TOMM40L: variants seen among roughly 807,000 people sequenced by gnomAD.
TOMM40L encodes the protein mitochondrial import receptor subunit TOM40B.
A neutral mutation model predicts 38.3 loss-of-function variants in TOMM40L; 17 were observed. The observed-to-expected ratio is 0.44, with a 90% CI of 0.30 to 0.67. The LOEUF (loss-of-function observed/expected upper bound fraction) is 0.67, where lower values mean the gene tolerates loss of function less well. TOMM40L is among the 30% of genes least tolerant of loss of function. TOMM40L has a pLI of 0.08. For missense variants in TOMM40L, 294 were observed against 390.0 expected, an observed-to-expected ratio of 0.75 and a Z score of 2.07; for synonymous variants, 151 against 150.2, an observed-to-expected ratio of 1.01 and a Z score of -0.04.
At position 161,230,222 on chromosome 1, in the gene TOMM40L, G is replaced by A. The variant is rs907450066; in HGVS notation, c.*1127G>A. 3 of 412,240 alleles carry A rather than the reference G, an allele frequency of 7.3e-6. No individual in the cohort carries two copies. Among genetic ancestry groups the A allele is most frequent in the African/African-American group, 2.0e-5 (1 of 49,236 alleles). 25.5% of individuals were successfully genotyped at this position (412,240 alleles called of 1,614,324 possible). A position where few individuals can be genotyped will look rare whatever the true frequency, so the allele number is the denominator to read the frequency against. On this transcript the variant is annotated 3_prime_UTR_variant, in exon 10 of 10. Coordinates refer to ENST00000367988, the MANE Select transcript of TOMM40L (RefSeq NM_032174.6). The stretch of plus-strand genomic sequence containing the variant: ...GAACTCCAACCATGTGGAATCTGAG[G>A]GCCTGGCCTTCTAGAGCAGGTTCTA...
chr1:161,226,721 C>T, intron 2 of TOMM40L, 117 bp downstream of exon 2: 4 of 1,294,286 alleles, frequency 3.1e-6, no homozygotes, highest in Non-Finnish European at 4.3e-6. Context: ...GGTCATGCAG[C>T]CTCAGGGAGG....
In TOMM40L at chr1:161,229,178, C is replaced by A. The variant is rs1666605315; in HGVS notation, c.*83C>A. 1 of 1,593,958 alleles carries A rather than the reference C, an allele frequency of 6.3e-7. No homozygotes were observed. Among genetic ancestry groups the A allele is most frequent in the Non-Finnish European group, 8.6e-7 (1 of 1,166,180 alleles). On this transcript the variant is annotated 3_prime_UTR_variant, in exon 10 of 10. Coordinates refer to ENST00000367988, the MANE Select transcript of TOMM40L (RefSeq NM_032174.6). ...CCAAAGACTAGGCCCCTCTTCAGAG[C>A]CCACCTTGCTGGGTGATCTCTAGGA...
At chr1:161,227,462 C>T (rs1666422425) in intron 4 of TOMM40L, 112 bp downstream of exon 4, 1 of 1,135,446 alleles carries the variant, frequency 8.8e-7, no homozygotes, top group East Asian at 2.5e-5. Flanking sequence ...ACCTGATTCT[C>T]TGTGTCTTTT....
At position 161,229,101 on chromosome 1, in the gene TOMM40L, T is replaced by C. The variant is rs765793782; in HGVS notation, c.*6T>C. 1.2e-6 allele frequency: 2 copies of C among 1,614,102 alleles called. No individual in the cohort carries two copies. The highest frequency in any genetic ancestry group is 1.1e-5 in the South Asian group (1 of 91,088). On this transcript the variant is annotated 3_prime_UTR_variant, in exon 10 of 10. Transcript: ENST00000367988. ...TCAGCATCACTGTGGGCTGAGGTTGTCCAGAGCCAGCCCCCACAGCAGCTG... is the reference window on the plus strand; with the variant it reads ...TCAGCATCACTGTGGGCTGAGGTTGCCCAGAGCCAGCCCCCACAGCAGCTG...
At chr1:161,228,361 C>G in intron 7 of TOMM40L, 53 bp downstream of exon 7, 1 of 1,611,582 alleles carries the variant, frequency 6.2e-7, no homozygotes, top group Non-Finnish European at 8.5e-7. Flanking sequence ...CTGGACTTTT[C>G]TGGGGTTCCT....
At position 161,229,746 on chromosome 1, in the gene TOMM40L, C is replaced by T. The variant is rs755081784; in HGVS notation, c.*651C>T. On this transcript the variant is annotated 3_prime_UTR_variant, in exon 10 of 10. Coordinates refer to ENST00000367988, the MANE Select transcript of TOMM40L (RefSeq NM_032174.6). Reference sequence around the variant, plus strand: ...CTTTGGTCCCAGCATTTTCCCACTCCAGTGTATCCAGGGTGTTCCAGGTGA... The same window carrying T: ...CTTTGGTCCCAGCATTTTCCCACTCTAGTGTATCCAGGGTGTTCCAGGTGA... The T allele has an allele frequency of 1.2e-6, 2 of 1,614,122 alleles. No homozygotes were observed. Among genetic ancestry groups the T allele is most frequent in the South Asian group, 1.1e-5 (1 of 91,088 alleles).
chr1:161,227,345 A>T lies in TOMM40L; in HGVS notation c.271A>T (p.Thr91Ser), dbSNP rs749693449. Residue 91 changes from threonine (T) to serine (S), a missense_variant, in exon 4 of 10, where the codon ACT becomes TCT. Transcript: ENST00000367988. ...AYAGDWQLSP[T>S]EVFPTVVGDM... ...TGCAGGGGATTGGCAGCTCAGTCCC[A>T]CTGAGGTGAGGGCTCCACACACCTG... 6.8e-6 allele frequency: 11 copies of T among 1,614,000 alleles called. No homozygotes were observed. The highest frequency in any genetic ancestry group is 9.3e-6 in the Non-Finnish European group (11 of 1,179,994).
chr1:161,226,829 C>T (rs1335176465), intron 2 of TOMM40L, 59 bp from the exon 3 acceptor site: 1 of 1,583,552 alleles, frequency 6.3e-7, no homozygotes, highest in Non-Finnish European at 8.6e-7. Flanking sequence ...GGGAGACTAT[C>T]TTTTGGGGTA....
chr1:161,228,111 C>T (rs1357936763), intron 6 of TOMM40L, 75 bp from the exon 7 acceptor site: 11 of 1,579,832 alleles, frequency 7.0e-6, no homozygotes, highest in African/African-American at 4.1e-5. Context: ...GCTGGGGTGG[C>T]GGTTATTGGG....
rs1666956763 is a variant in TOMM40L, at chr1:161,230,610, G to A, written c.*1515G>A. Reference sequence around the variant, plus strand: ...AATAAAAAAAAAATCTGGAAAAAGTGAGATGAAACAGCAGTATCCAAATAC... The same window carrying A: ...AATAAAAAAAAAATCTGGAAAAAGTAAGATGAAACAGCAGTATCCAAATAC... On this transcript the variant is annotated 3_prime_UTR_variant, in exon 10 of 10. Coordinates refer to ENST00000367988, the MANE Select transcript of TOMM40L (RefSeq NM_032174.6). 4.5e-6 allele frequency: 3 copies of A among 670,174 alleles called. No individual in the cohort carries two copies. Among genetic ancestry groups the A allele is most frequent in the African/African-American group, 3.6e-5 (2 of 55,212 alleles). 41.5% of individuals were successfully genotyped at this position (670,174 alleles called of 1,614,324 possible). A position where few individuals can be genotyped will look rare whatever the true frequency, so the allele number is the denominator to read the frequency against.
chr1:161,227,921 G>A lies in TOMM40L; in HGVS notation c.416G>A (p.Gly139Asp). Residue 139 changes from glycine (G) to aspartate (D), a missense_variant, in exon 6 of 10, where the codon GGC becomes GAC. Coordinates refer to ENST00000367988, the MANE Select transcript of TOMM40L (RefSeq NM_032174.6). ...QAKFLTWQFDGEYRGDDYTAT... is the reference protein window; with the variant it reads ...QAKFLTWQFDDEYRGDDYTAT... ...AAGTTCCTGACATGGCAGTTTGATG[G>A]CGAGTATCGGGGAGATGACTACACA... 1 of 1,614,134 alleles carries A rather than the reference G, an allele frequency of 6.2e-7. No homozygotes were observed. Among genetic ancestry groups the A allele is most frequent in the Non-Finnish European group, 8.5e-7 (1 of 1,180,004 alleles).
chr1:161,228,892 C>G lies in TOMM40L; in HGVS notation c.788-64C>G. 4 of 1,613,784 alleles carry G rather than the reference C, an allele frequency of 2.5e-6. No homozygotes were observed. The East Asian group carries it at 6.7e-5, about 27-fold the overall frequency. Reference sequence around the variant, plus strand: ...GAGGAGGGAGGGAAGCTCGACCTTACTTCTGGTGACTATTTCCTCCAATCC... The same window carrying G: ...GAGGAGGGAGGGAAGCTCGACCTTAGTTCTGGTGACTATTTCCTCCAATCC... On this transcript the variant is annotated intron_variant, in intron 9 of 9. Coordinates refer to ENST00000367988, the MANE Select transcript of TOMM40L (RefSeq NM_032174.6).
Position 161,230,612 on chromosome 1 carries a change from G to A in TOMM40L, c.*1517G>A, listed in dbSNP as rs1165390402. The A allele has an allele frequency of 8.9e-6, 6 of 677,010 alleles. No individual in the cohort carries two copies. Among genetic ancestry groups the A allele is most frequent in the Admixed American group, 5.9e-5 (2 of 33,860 alleles). The allele number at this position is 677,010 out of a possible 1,614,324, so 41.9% of individuals were successfully genotyped here. ...TAAAAAAAAAATCTGGAAAAAGTGA[G>A]ATGAAACAGCAGTATCCAAATACAG... On this transcript the variant is annotated 3_prime_UTR_variant, in exon 10 of 10. Transcript: ENST00000367988.
intron 6 of TOMM40L, 74 bp from the exon 7 acceptor site, chr1:161,228,112 G>T (rs1377276347): frequency 6.3e-7 from 1 of 1,580,214 alleles, no homozygotes. Flanking sequence ...CTGGGGTGGC[G>T]GTTATTGGGA....
At chr1:161,226,984 C>T in intron 3 of TOMM40L, 29 bp downstream of exon 3, 1 of 1,612,892 alleles carries the variant, frequency 6.2e-7, no homozygotes, top group Non-Finnish European at 8.5e-7. Context: ...CCCCTCCTTA[C>T]TATTCCCCCT....
chr1:161,227,539 AG>A, intron 4 of TOMM40L, 96 bp from the exon 5 acceptor site: 1 of 1,131,436 alleles, frequency 8.8e-7, no homozygotes, highest in Non-Finnish European at 1.3e-6. Context: ...TGACTCCACC[AG>A]GGGGCGCTGT....
At chr1:161,227,552 C>A (rs1666427365) in intron 4 of TOMM40L, 84 bp from the exon 5 acceptor site, 1 of 1,222,594 alleles carries the variant, frequency 8.2e-7, no homozygotes, top group Non-Finnish European at 1.2e-6. Context: ...GGGCGCTGTG[C>A]ACTCTTAATG....
At position 161,227,571 on chromosome 1, in the gene TOMM40L, T is replaced by A. The variant is rs752150661; in HGVS notation, c.277-65T>A. The A allele has an allele frequency of 7.3e-6, 10 of 1,378,716 alleles. No homozygotes were observed. In the South Asian group the frequency reaches 8.5e-5, roughly 12 times the overall value. The allele number at this position is 1,378,716 out of a possible 1,614,324, so 85.4% of individuals were successfully genotyped here. A position where few individuals can be genotyped will look rare whatever the true frequency, so the allele number is the denominator to read the frequency against. ...GCTGTGCACTCTTAATGAAGTTCTA[T>A]ATTTGGGTTTAGGCTGAGTGGTGCC... On this transcript the variant is annotated intron_variant, in intron 4 of 9. Transcript: ENST00000367988.
intron 9 of TOMM40L, 59 bp from the exon 10 acceptor site, chr1:161,228,897 G>A (rs1170226196): frequency 6.2e-7 from 1 of 1,613,652 alleles, no homozygotes; most frequent in East Asian, 2.2e-5. Context: ...CCTTACTTCT[G>A]GTGACTATTT....
Sources: allele counts gnomAD v4.1 joint callset, GRCh38; gene constraint gnomAD v4.1.1; transcripts MANE v1.5; gene names NCBI Gene and HGNC (gene_info 2026-07-23, HGNC 2026-07-21).